The following MYOM3 variants were observed in gnomAD, a reference collection of about 807,000 sequenced individuals.
The protein encoded by MYOM3 is myomesin-3.
MYOM3 carries 155 observed loss-of-function variants against 191.7 expected under a neutral mutation model. The observed-to-expected ratio is 0.81, with a 90% CI of 0.71 to 0.92. The LOEUF (loss-of-function observed/expected upper bound fraction) is 0.92, where lower values mean the gene tolerates loss of function less well. Among genes scored for constraint, MYOM3 ranks in the 40% least tolerant of loss-of-function variants. The pLI is 0.00. For missense variants in MYOM3, 1,889 were observed against 1,890.6 expected (o/e 1.00, Z 0.02); for synonymous variants, 757 against 762.9 (o/e 0.99, Z 0.13).
Position 24,108,074 on chromosome 1 carries a change from C to T in MYOM3, c.162-1G>A, listed in dbSNP as rs774436148. 1.2e-6 allele frequency: 2 copies of T among 1,613,378 alleles called. No homozygotes were observed. The highest frequency in any genetic ancestry group is 3.3e-5 in the Admixed American group (2 of 59,928). On this transcript the variant is annotated splice_acceptor_variant, in intron 2 of 36. Transcript: ENST00000374434. LOFTEE classifies it high-confidence loss of function. ...GGCGCTGAACTCATGCTCTTCTTCG[C>T]TGCTCCCAGAAGGAGGGGAGTAAAT...
intron 13 of MYOM3, 51 bp from the exon 14 acceptor site, chr1:24,089,716 C>T (rs760719935): frequency 6.6e-7 from 1 of 1,523,502 alleles, no homozygotes; most frequent in East Asian, 2.4e-5. Context: ...CAGAGACCCC[C>T]TAATCTCAGT....
chr1:24,088,126 A>G (rs1007595004), intron 14 of MYOM3, among the ~76,000 whole-genome samples: 5 of 152,172 alleles, frequency 3.3e-5, no homozygotes, highest in African/African-American at 1.2e-4. Context: ...TGGAGGGTGG[A>G]GAGCCCAGGG....
intron 20 of MYOM3, among the ~76,000 whole-genome samples, chr1:24,077,853 C>T (rs947199288): frequency 6.6e-6 from 1 of 151,660 alleles, no homozygotes; most frequent in Non-Finnish European, 1.5e-5. Flanking sequence ...GCGGAGGGGG[C>T]GAGCCACTCA....
rs1643888121 is a variant in MYOM3 at position 24,098,077 on chromosome 1, T to C, written c.657-66A>G. The C allele has an allele frequency of 1.8e-5, 19 of 1,040,468 alleles. No individual in the cohort carries two copies. The South Asian group carries it at 2.3e-4, about 12-fold the overall frequency. The allele number at this position is 1,040,468 out of a possible 1,614,324, so 64.5% of individuals were successfully genotyped here. ...GGCTCCATGGGAAACACAAGTCCCC[T>C]GTGTGGGTGGGAAAGGCTGGAACTA... On this transcript the variant is annotated intron_variant, in intron 6 of 36. Coordinates refer to ENST00000374434, the MANE Select transcript of MYOM3 (RefSeq NM_152372.4).
chr1:24,092,064 G>T, intron 11 of MYOM3, 110 bp downstream of exon 11: 1 of 1,077,390 alleles, frequency 9.3e-7, no homozygotes, highest in Non-Finnish European at 1.3e-6. Context: ...TGAGGAGCGG[G>T]GGTGTGAGGG....
chr1:24,068,113 G>C, intron 26 of MYOM3, 84 bp from the exon 27 acceptor site: 2 of 1,580,460 alleles, frequency 1.3e-6, no homozygotes, highest in Non-Finnish European at 1.7e-6. Context: ...GAAGTCGAGG[G>C]GGCTGTGCTC....
At chr1:24,068,513 T>G (rs6660675) in intron 25 of MYOM3, 146 bp from the exon 26 acceptor site, 473,510 of 859,442 alleles carry the variant, frequency 0.55, 132,868 homozygotes, top group East Asian at 0.63. Context: ...AACCCTCTGC[T>G]GCTCCCCCCA....
At position 24,082,226 on chromosome 1, in the gene MYOM3, AG is replaced by A. The variant is rs781547507; in HGVS notation, c.2093-39del. 2.6e-6 allele frequency: 4 copies of A among 1,534,810 alleles called. No individual in the cohort carries two copies. In the East Asian group the frequency reaches 7.0e-5, roughly 27 times the overall value. On this transcript the variant is annotated intron_variant, in intron 17 of 36. Coordinates refer to ENST00000374434, the MANE Select transcript of MYOM3 (RefSeq NM_152372.4). ...AAGGAGGTGAGGACAGCTGCTCCCT[AG>A]GGGTGGCTGGATTGGACAGTGGGGC... is the stretch of plus-strand genomic sequence containing the variant.
intron 2 of MYOM3, 22 bp from the exon 3 acceptor site, chr1:24,108,095 TA>T: frequency 6.2e-7 from 1 of 1,610,066 alleles, no homozygotes; most frequent in African/African-American, 1.3e-5. Flanking sequence ...AGGAGGGGAG[TA>T]AATGGCTCTT....
chr1:24,086,246 C>T (rs1643736990), intron 15 of MYOM3, among the ~76,000 whole-genome samples: 1 of 152,038 alleles, frequency 6.6e-6, no homozygotes, highest in African/African-American at 2.4e-5. Context: ...GCCTGGTAAG[C>T]CAGGGCTCAG....
Position 24,082,467 on chromosome 1 carries a change from A to G in MYOM3, c.2092+126T>C, listed in dbSNP as rs551889792. The G allele has an allele frequency of 4.9e-4, 642 of 1,302,720 alleles. 1 individual carries two copies. The highest frequency in any genetic ancestry group is 6.3e-4 in the Non-Finnish European group (621 of 982,426). 80.7% of individuals were successfully genotyped at this position (1,302,720 alleles called of 1,614,324 possible). Reference sequence around the variant, plus strand: ...GGAAAGGGCAGCCAGGGCCAGCTCCAGTTTCCCTCAGAGGGCGTATGTGCC... The same window carrying G: ...GGAAAGGGCAGCCAGGGCCAGCTCCGGTTTCCCTCAGAGGGCGTATGTGCC... On this transcript the variant is annotated intron_variant, in intron 17 of 36. Transcript: ENST00000374434.
chr1:24,077,261 C>T (rs972473689), intron 20 of MYOM3, among the ~76,000 whole-genome samples: 1 of 152,226 alleles, frequency 6.6e-6, no homozygotes, highest in African/African-American at 2.4e-5. Context: ...CTCCCCCAGT[C>T]TGTCTTTCCC....
At chr1:24,084,152 A>G (rs1374639148) in intron 16 of MYOM3, 2 of 308,730 alleles carry the variant, frequency 6.5e-6, no homozygotes, top group African/African-American at 4.3e-5. Context: ...AGATTGGATC[A>G]TGGGGGCGGA....
chr1:24,093,255 C>G, intron 9 of MYOM3, 147 bp from the exon 10 acceptor site: 1 of 626,408 alleles, frequency 1.6e-6, no homozygotes, highest in South Asian at 1.9e-5. Flanking sequence ...GGGGTGGTGG[C>G]CTCCAGGGCT....
intron 26 of MYOM3, 72 bp from the exon 27 acceptor site, chr1:24,068,101 C>T: frequency 6.3e-7 from 1 of 1,587,126 alleles, no homozygotes; most frequent in Non-Finnish European, 8.6e-7. Flanking sequence ...ATGGGGTGGA[C>T]AGAAGTCGAG....
chr1:24,108,610 A>T lies in MYOM3; in HGVS notation c.27T>A (p.Gly9=). 2 of 1,565,674 alleles carry T rather than the reference A, an allele frequency of 1.3e-6. No homozygotes were observed. The highest frequency in any genetic ancestry group is 1.7e-4 in the Middle Eastern group (1 of 5,966). Residue 9 remains glycine, a synonymous_variant, in exon 2 of 37, where the codon GGT becomes GGA. Coordinates refer to ENST00000374434, the MANE Select transcript of MYOM3 (RefSeq NM_152372.4). The part of the protein sequence containing the change: MTLPHSLG[G]AGDPRPPQAM... The stretch of plus-strand genomic sequence containing the variant: ...CCTGGGGGGGCCGGGGGTCCCCCGC[A>T]CCTCCCAAGCTGTGCGGCAGAGTCA...
At chr1:24,098,162 T>A (rs1643888579) in intron 6 of MYOM3, 151 bp from the exon 7 acceptor site, 1 of 639,584 alleles carries the variant, frequency 1.6e-6, no homozygotes, top group Non-Finnish European at 2.8e-6. Context: ...AGCTGTGTGT[T>A]TTCTGGTTGG....
At position 24,068,231 on chromosome 1, in the gene MYOM3, A is replaced by G. The variant is rs1357972187; in HGVS notation, c.3287T>C (p.Val1096Ala). Reference sequence around the variant, plus strand: ...GGCTGGGCATGGCTGACCGTCATCCACCAGTGTCAAGGTAATCTGGTTTTT... The same window carrying G: ...GGCTGGGCATGGCTGACCGTCATCCGCCAGTGTCAAGGTAATCTGGTTTTT... Reference protein sequence around the residue: ...KAKNQITLTLVDDDFDKLLRK... With the variant: ...KAKNQITLTLADDDFDKLLRK... The change falls in exon 26 of 37, where the codon GTG becomes GCG. Residue 1096 changes from valine (V) to alanine (A), a missense_variant. Val to Ala is a moderately conservative substitution (Grantham distance 64). Transcript: ENST00000374434. 6.2e-7 allele frequency: 1 copy of G among 1,611,278 alleles called. No individual in the cohort carries two copies. Among genetic ancestry groups the G allele is most frequent in the Admixed American group, 1.7e-5 (1 of 59,938 alleles).
At chr1:24,094,566 C>T (rs999844537) in intron 9 of MYOM3, among the ~76,000 whole-genome samples, 2 of 152,132 alleles carry the variant, frequency 1.3e-5, no homozygotes, top group Admixed American at 6.5e-5. Flanking sequence ...CTTCCTCCCT[C>T]CTCCCAGGTG....
Sources: gnomAD v4.1 joint callset for allele counts (sites outside exome capture counted in the v4.1 genomes callset) on GRCh38, gnomAD v4.1.1 for gene constraint, MANE v1.5 for transcripts, NCBI Gene and HGNC (gene_info 2026-07-23, HGNC 2026-07-21) for gene names.